PTPN4: variants seen among roughly 807,000 people sequenced by gnomAD.
The protein encoded by PTPN4 is protein tyrosine phosphatase non-receptor type 4.
Under a neutral mutation model 135.5 loss-of-function variants are expected in PTPN4, and 49 were observed. That is an observed-to-expected ratio of 0.36 (90% CI 0.29 to 0.46). The LOEUF (loss-of-function observed/expected upper bound fraction) is 0.46. Among genes scored for constraint, PTPN4 ranks in the 20% least tolerant of loss-of-function variants. The pLI, the probability that PTPN4 is intolerant of heterozygous loss-of-function variation, is 1.00. For missense variants in PTPN4, 860 were observed against 1,101.0 expected (o/e 0.78, Z 3.10); for synonymous variants, 333 against 369.9 (o/e 0.90, Z 1.14).
At chr2:119,938,260 T>C (rs1184314177) in intron 15 of PTPN4, among the ~76,000 whole-genome samples, 2 of 151,672 alleles carry the variant, frequency 1.3e-5, no homozygotes, top group Admixed American at 1.3e-4. Context: ...CCCGAGTAGC[T>C]GGGACTACAG....
At chr2:119,948,792 A>G (rs1679171649) in intron 18 of PTPN4, among the ~76,000 whole-genome samples, 1 of 152,174 alleles carries the variant, frequency 6.6e-6, no homozygotes, top group Non-Finnish European at 1.5e-5. Flanking sequence ...GGAAAAATAT[A>G]TAATTTCACA....
At chr2:119,852,638 A>G (rs1677609897) in intron 2 of PTPN4, among the ~76,000 whole-genome samples, 1 of 151,976 alleles carries the variant, frequency 6.6e-6, no homozygotes, top group South Asian at 2.1e-4. Context: ...TTTGTTTTCA[A>G]ATACTTAGAT....
chr2:119,973,669 T>TG (rs1679571486), intron 26 of PTPN4, among the ~76,000 whole-genome samples: 2 of 139,064 alleles, frequency 1.4e-5, no homozygotes, highest in African/African-American at 5.6e-5. Flanking sequence ...TTTTTTTTTT[T>TG]TTTTTTTTTT....
intron 13 of PTPN4, among the ~76,000 whole-genome samples, chr2:119,931,433 CTTTTTTTTTTTTTTTTT>C (rs1158907026): frequency 1.7e-4 from 14 of 83,366 alleles, no homozygotes; most frequent in Non-Finnish European, 3.4e-4. Flanking sequence ...TTCTTTCTTT[CTTTTTTTTTTTTTTTTT>C]TTTTTTTTTG....
intron 22 of PTPN4, 30 bp from the exon 23 acceptor site, chr2:119,960,777 C>T: frequency 6.3e-7 from 1 of 1,599,620 alleles, no homozygotes; most frequent in Non-Finnish European, 8.5e-7. Context: ...TAATGCAAAA[C>T]ATTTTATTTT....
chr2:119,972,898 T>C (rs1679557163), intron 26 of PTPN4, among the ~76,000 whole-genome samples: 2 of 152,186 alleles, frequency 1.3e-5, no homozygotes, highest in Admixed American at 1.3e-4. Flanking sequence ...GAGATAAATC[T>C]CACTTGGACA....
chr2:119,841,662 G>A (rs908798767), intron 2 of PTPN4, among the ~76,000 whole-genome samples: 37 of 152,160 alleles, frequency 2.4e-4, no homozygotes, highest in African/African-American at 8.9e-4. Context: ...AAAGGCTTGT[G>A]TAGATTTACA....
At chr2:119,845,296 G>A (rs1462109935) in intron 2 of PTPN4, among the ~76,000 whole-genome samples, 1 of 144,306 alleles carries the variant, frequency 6.9e-6, no homozygotes, top group Non-Finnish European at 1.5e-5. Context: ...GGGAGAGGGA[G>A]AGGGCATTTT....
rs147981052 is a variant in PTPN4, at chr2:119,853,152, T to G, written c.139-9384T>G. 2.7e-4 allele frequency among the ~76,000 whole-genome samples: 41 copies of G among 152,320 alleles called. 1 individual carries two copies. The highest frequency in any genetic ancestry group is 3.4e-3 in the Middle Eastern group (1 of 294). On this transcript the variant is annotated intron_variant, in intron 2 of 26. Coordinates refer to ENST00000263708, the MANE Select transcript of PTPN4 (RefSeq NM_002830.4). ...TCAATCCTATTAGTTAATATGTTGTTGGGTTCTTTTATATCCATGCTGATT... is the reference window on the plus strand; with the variant it reads ...TCAATCCTATTAGTTAATATGTTGTGGGGTTCTTTTATATCCATGCTGATT...
intron 22 of PTPN4, among the ~76,000 whole-genome samples, chr2:119,957,695 A>G (rs1176475014): frequency 5.9e-5 from 9 of 152,204 alleles, no homozygotes; most frequent in Non-Finnish European, 1.2e-4. Context: ...ACAAAATTAA[A>G]GCAAACCGTA....
At chr2:119,832,138 GT>G (rs1677228559) in intron 2 of PTPN4, among the ~76,000 whole-genome samples, 1 of 152,074 alleles carries the variant, frequency 6.6e-6, no homozygotes, top group African/African-American at 2.4e-5. Context: ...TGTATATTCT[GT>G]GATCAAAATC....
intron 16 of PTPN4, 54 bp downstream of exon 16, chr2:119,945,294 A>G: frequency 6.9e-7 from 1 of 1,454,576 alleles, no homozygotes. Context: ...AAAATCCTAA[A>G]TGAAATTTCT....
chr2:119,833,902 C>G (rs1478095580), intron 2 of PTPN4, among the ~76,000 whole-genome samples: 1 of 152,198 alleles, frequency 6.6e-6, no homozygotes, highest in East Asian at 1.9e-4. Flanking sequence ...TCTGGGCTTT[C>G]ACTGGGAAAG....
At chr2:119,782,670 AAAAG>A (rs1305639390) in intron 1 of PTPN4, among the ~76,000 whole-genome samples, 1 of 151,406 alleles carries the variant, frequency 6.6e-6, no homozygotes, top group Non-Finnish European at 1.5e-5. Context: ...TTTGTAATAG[AAAAG>A]AAAGACCCCT....
chr2:119,854,934 T>C (rs1677653044), intron 2 of PTPN4, among the ~76,000 whole-genome samples: 1 of 152,170 alleles, frequency 6.6e-6, no homozygotes, highest in African/African-American at 2.4e-5. Context: ...AGGTACCTCC[T>C]ACTTCAGCTA....
intron 10 of PTPN4, among the ~76,000 whole-genome samples, chr2:119,914,859 A>G (rs781102486): frequency 5.9e-5 from 9 of 152,164 alleles, no homozygotes; most frequent in Non-Finnish European, 1.0e-4. Context: ...GCATAAAGTA[A>G]TGAAATCTTA....
intron 3 of PTPN4, among the ~76,000 whole-genome samples, chr2:119,869,755 T>G (rs1677882384): frequency 6.6e-6 from 1 of 152,200 alleles, no homozygotes; most frequent in South Asian, 2.1e-4. Context: ...CTTTCCAGTG[T>G]CAAATAGTAC....
intron 3 of PTPN4, among the ~76,000 whole-genome samples, chr2:119,866,416 T>G (rs1677836272): frequency 6.6e-6 from 1 of 152,026 alleles, no homozygotes; most frequent in Admixed American, 6.6e-5. Context: ...AACCCTGTGG[T>G]TTTCAAACTG....
At chr2:119,957,573 T>C (rs1574421180) in intron 22 of PTPN4, among the ~76,000 whole-genome samples, 2 of 135,726 alleles carry the variant, frequency 1.5e-5, no homozygotes, top group South Asian at 4.8e-4. Context: ...GCCAAAAAGG[T>C]TGGGGACCAC....
Sources: allele counts gnomAD v4.1 joint callset (sites outside exome capture counted in the v4.1 genomes callset), GRCh38; gene constraint gnomAD v4.1.1; transcripts MANE v1.5; gene names NCBI Gene and HGNC (gene_info 2026-07-23, HGNC 2026-07-21).